The following NBPF26 variants were observed in gnomAD, a reference collection of about 807,000 sequenced individuals.
The protein encoded by NBPF26 is NBPF family member NBPF26.
In NBPF26, 79 loss-of-function variants were observed where a neutral mutation model predicts 119.6. That is an observed-to-expected ratio of 0.66 (90% CI 0.55 to 0.80). The LOEUF (loss-of-function observed/expected upper bound fraction) is 0.80. NBPF26 is among the 30% of genes least tolerant of loss of function. The pLI, the probability that NBPF26 is intolerant of heterozygous loss-of-function variation, is 0.00. For synonymous variants in NBPF26, 299 were observed against 457.7 expected, an observed-to-expected ratio of 0.65 and a Z score of 4.43; for missense variants, 800 against 1,198.2, an observed-to-expected ratio of 0.67 and a Z score of 4.91.
At chr1:120,777,781 G>A (rs1396911250) in intron 2 of NBPF26, among the ~76,000 whole-genome samples, 6 of 103,602 alleles carry the variant, frequency 5.8e-5, no homozygotes. Flanking sequence ...CCTCATGCAT[G>A]TTTTTAAAAC....
chr1:120,781,810 G>A lies in NBPF26; in HGVS notation c.156-3164G>A, dbSNP rs1465424058. 2.2e-4 allele frequency among the ~76,000 whole-genome samples: 26 copies of A among 116,746 alleles called. 6 individuals carry two copies. Among genetic ancestry groups the A allele is most frequent in the African/African-American group, 1.2e-3 (25 of 21,132 alleles). 76.6% of individuals were successfully genotyped at this position (116,746 alleles called of 152,430 possible). A position where few individuals can be genotyped will look rare whatever the true frequency, so the allele number is the denominator to read the frequency against. ...CCTGACCTGGTGATCTGCCTGCCTC[G>A]GCCTCCCAAAGTGCTGAGATTACTG... On this transcript the variant is annotated intron_variant, in intron 2 of 29. Coordinates refer to ENST00000620612, the Ensembl canonical transcript of NBPF26.
chr1:120,825,383 T>C (rs1163909551), intron 18 of NBPF26, among the ~76,000 whole-genome samples, 131 bp from the exon 20 acceptor site: 324 of 117,224 alleles, frequency 2.8e-3, no homozygotes, highest in Non-Finnish European at 3.3e-3. Context: ...AAGGCAATAA[T>C]TCATTCCCTC....
Position 120,733,214 on chromosome 1 carries a change from T to A in NBPF26, c.73+8964T>A, listed in dbSNP as rs1414458871. On this transcript the variant is annotated intron_variant, in intron 1 of 29. Coordinates refer to ENST00000620612, the Ensembl canonical transcript of NBPF26. Reference sequence around the variant, plus strand: ...TATTGTCAACACTAGGTTTTATTTTTAAAAATCTTTACCATTTGATAAGTG... The same window carrying A: ...TATTGTCAACACTAGGTTTTATTTTAAAAAATCTTTACCATTTGATAAGTG... Among the ~76,000 whole-genome samples the A allele has an allele frequency of 3.9e-5, 4 of 102,440 alleles. 2 individuals are homozygous for A. The highest frequency in any genetic ancestry group is 2.5e-4 in the African/African-American group (4 of 16,020). 67.2% of individuals were successfully genotyped at this position (102,440 alleles called of 152,430 possible).
At chr1:120,768,986 AGT>A in intron 2 of NBPF26, among the ~76,000 whole-genome samples, 2 of 107,388 alleles carry the variant, frequency 1.9e-5, no homozygotes, top group Non-Finnish European at 3.7e-5. Flanking sequence ...ATAAATATAA[AGT>A]GTTATAAAAT....
intron 4 of NBPF26, among the ~76,000 whole-genome samples, chr1:120,801,277 G>C (rs1651577925): frequency 8.4e-6 from 1 of 119,178 alleles, no homozygotes; most frequent in East Asian, 2.0e-4. Context: ...GGTTGTCAGA[G>C]ACTGCAAGAA....
chr1:120,806,545 A>G lies in NBPF26; in HGVS notation c.961+780A>G. ...CAGGCAGATGTTGCAGTGAGCCAAG[A>G]TTGCACTATTGAACTCCAGCATGGG... On this transcript the variant is annotated intron_variant, in intron 5 of 29. Transcript: ENST00000620612. Among the ~76,000 whole-genome samples, 2 of 125,020 alleles carry G rather than the reference A, an allele frequency of 1.6e-5. 1 individual carries two copies. Among genetic ancestry groups the G allele is most frequent in the Non-Finnish European group, 3.3e-5 (2 of 61,338 alleles). The allele number at this position is 125,020 out of a possible 152,430, so 82.0% of individuals were successfully genotyped here.
intron 1 of NBPF26, among the ~76,000 whole-genome samples, chr1:120,752,548 ATATATATT>A (rs1158158969): frequency 8.9e-5 from 1 of 11,280 alleles, no homozygotes; most frequent in Non-Finnish European, 1.5e-4. Flanking sequence ...ATATATATAT[ATATATATT>A]TTTTTTTTTT....
chr1:120,807,027 C>T lies in NBPF26; in HGVS notation c.962-580C>T, dbSNP rs1423421436. Among the ~76,000 whole-genome samples, 9 of 130,206 alleles carry T rather than the reference C, an allele frequency of 6.9e-5. 2 individuals carry two copies. Among genetic ancestry groups the T allele is most frequent in the African/African-American group, 3.1e-4 (9 of 28,840 alleles). The allele number at this position is 130,206 out of a possible 152,430, so 85.4% of individuals were successfully genotyped here. A position where few individuals can be genotyped will look rare whatever the true frequency, so the allele number is the denominator to read the frequency against. ...CAACTAATCTAAATCTTAATGCTGCCTCTCATACTAATAAAGTATTTGGGC... is the reference window on the plus strand; with the variant it reads ...CAACTAATCTAAATCTTAATGCTGCTTCTCATACTAATAAAGTATTTGGGC... On this transcript the variant is annotated intron_variant, in intron 5 of 29. Coordinates refer to ENST00000620612, the Ensembl canonical transcript of NBPF26.
rs1651315188 is a variant in NBPF26, at chr1:120,777,772, C to T, written c.156-7202C>T. 2.0e-5 allele frequency among the ~76,000 whole-genome samples: 2 copies of T among 101,046 alleles called. 1 individual carries two copies. The highest frequency in any genetic ancestry group is 3.6e-5 in the Non-Finnish European group (2 of 55,202). 66.3% of individuals were successfully genotyped at this position (101,046 alleles called of 152,430 possible). A position where few individuals can be genotyped will look rare whatever the true frequency, so the allele number is the denominator to read the frequency against. On this transcript the variant is annotated intron_variant, in intron 2 of 29. Transcript: ENST00000620612. ...TTTACCAGGAAGTTAACTAGAAGTC[C>T]TCATGCATGTTTTTAAAACAAAGTT... is the stretch of plus-strand genomic sequence containing the variant.
At chr1:120,805,969 G>A (rs1478445923) in intron 5 of NBPF26, among the ~76,000 whole-genome samples, 1 of 110,656 alleles carries the variant, frequency 9.0e-6, no homozygotes, top group East Asian at 2.1e-4. Context: ...CAATCAGATG[G>A]GGGTGGAACT....
intron 13 of NBPF26, among the ~76,000 whole-genome samples, 171 bp downstream of exon 13, chr1:120,816,328 ATG>A: frequency 8.7e-6 from 1 of 114,874 alleles, no homozygotes; most frequent in Middle Eastern, 3.9e-3. Context: ...ATGTTTCTCT[ATG>A]TGTGCCGAGT....
intron 2 of NBPF26, among the ~76,000 whole-genome samples, chr1:120,781,966 T>C (rs1651367689): frequency 1.9e-5 from 2 of 103,748 alleles, no homozygotes; most frequent in Non-Finnish European, 3.6e-5. Context: ...TATCAAATGC[T>C]TAGCAAATAT....
At chr1:120,764,491 G>A (rs1651168257) in intron 2 of NBPF26, among the ~76,000 whole-genome samples, 1 of 95,178 alleles carries the variant, frequency 1.1e-5, no homozygotes, top group Non-Finnish European at 2.0e-5. Context: ...GTGTGCATGT[G>A]TGTAGATTGA....
rs1330850621 is a variant in NBPF26 at position 120,737,746 on chromosome 1, G to T, written c.73+13496G>T. 3.8e-4 allele frequency among the ~76,000 whole-genome samples: 48 copies of T among 125,536 alleles called. 10 individuals are homozygous for T. Among genetic ancestry groups the T allele is most frequent in the Non-Finnish European group, 5.5e-4 (34 of 61,482 alleles). 82.4% of individuals were successfully genotyped at this position (125,536 alleles called of 152,430 possible). A position where few individuals can be genotyped will look rare whatever the true frequency, so the allele number is the denominator to read the frequency against. ...TGGTGTCATTAGTGATTCAGAATTG[G>T]ATTAGCCTGGACTGGTGGAGTTACT... On this transcript the variant is annotated intron_variant, in intron 1 of 29. Coordinates refer to ENST00000620612, the Ensembl canonical transcript of NBPF26.
At chr1:120,811,182 A>G (rs1651855285) in intron 9 of NBPF26, among the ~76,000 whole-genome samples, 1 of 105,116 alleles carries the variant, frequency 9.5e-6, no homozygotes, top group Non-Finnish European at 1.8e-5. Flanking sequence ...CAGGAACCGG[A>G]GCTTGCAGTG....
At chr1:120,805,003 AC>A (rs1202701898) in intron 4 of NBPF26, among the ~76,000 whole-genome samples, 1 of 119,092 alleles carries the variant, frequency 8.4e-6, no homozygotes, top group Non-Finnish European at 1.7e-5. Context: ...CTTCATGACT[AC>A]CATTAAGAAA....
At chr1:120,821,915 T>G (rs1235087818) in intron 15 of NBPF26, among the ~76,000 whole-genome samples, 189 bp from the exon 16 acceptor site, 2 of 122,610 alleles carry the variant, frequency 1.6e-5, no homozygotes, top group African/African-American at 8.0e-5. Context: ...TGCCCATTTT[T>G]GCTCTGTCCC....
At chr1:120,778,525 C>G (rs1651324979) in intron 2 of NBPF26, among the ~76,000 whole-genome samples, 1 of 81,510 alleles carries the variant, frequency 1.2e-5, no homozygotes, top group South Asian at 3.3e-4. Flanking sequence ...TTTTGTAAAG[C>G]ATGCCTCTCT....
intron 2 of NBPF26, among the ~76,000 whole-genome samples, chr1:120,784,420 T>A (rs1371380448): frequency 8.6e-6 from 1 of 116,932 alleles, no homozygotes; most frequent in Admixed American, 8.1e-5. Flanking sequence ...CTCCAGATAT[T>A]CTTGCTGTTT....
Sources: gnomAD v4.1 joint callset for allele counts (sites outside exome capture counted in the v4.1 genomes callset) on GRCh38, gnomAD v4.1.1 for gene constraint, MANE v1.5 for transcripts, NCBI Gene and HGNC (gene_info 2026-07-23, HGNC 2026-07-21) for gene names.